Variants in IFI16 observed in about 807,000 individuals in gnomAD.
IFI16 encodes gamma-interferon-inducible protein 16.
A neutral mutation model predicts 68.4 loss-of-function variants in IFI16; 49 were observed. The observed-to-expected ratio is 0.72, with a 90% CI of 0.57 to 0.91. The LOEUF (loss-of-function observed/expected upper bound fraction) is 0.91. Among genes scored for constraint, IFI16 ranks in the 40% least tolerant of loss-of-function variants. The probability of loss-of-function intolerance (pLI) is 0.00; values close to 1 mark genes in which losing one functional copy is unlikely to be tolerated. For missense variants in IFI16, 878 were observed against 942.9 expected (o/e 0.93, Z 0.90); for synonymous variants, 307 against 315.0 (o/e 0.97, Z 0.27).
chr1:159,002,540 C>T (rs1467465722), upstream of IFI16, among the ~76,000 whole-genome samples: 5 of 150,638 alleles, frequency 3.3e-5, no homozygotes, highest in Non-Finnish European at 5.9e-5. Context: ...CAAAATAGCA[C>T]GATACCGTTA....
chr1:159,022,027 T>G (rs1241021763), intron 6 of IFI16, among the ~76,000 whole-genome samples: 5 of 130,486 alleles, frequency 3.8e-5, no homozygotes, highest in Admixed American at 9.8e-5. Context: ...GCAGTGGCGC[T>G]ATCTCGGCTT....
intron 2 of IFI16, 100 bp downstream of exon 2, chr1:159,015,045 C>T: frequency 8.3e-7 from 1 of 1,199,456 alleles, no homozygotes; most frequent in East Asian, 2.3e-5. Flanking sequence ...ATGTGTTTTC[C>T]CCAGTTTGTG....
chr1:159,052,241 A>G, intron 10 of IFI16, 143 bp downstream of exon 10: 1 of 627,352 alleles, frequency 1.6e-6, no homozygotes, highest in Non-Finnish European at 2.8e-6. Flanking sequence ...AGATAATTGA[A>G]TAGAGTTCAT....
chr1:159,005,133 G>T (rs747778894), upstream of IFI16, among the ~76,000 whole-genome samples: 11 of 152,134 alleles, frequency 7.2e-5, no homozygotes, highest in Non-Finnish European at 1.6e-4. Flanking sequence ...TGTCATGTGA[G>T]GACACAGCAA....
At chr1:159,009,067 G>T (rs1652386434), upstream of IFI16, 1 of 152,172 alleles carries the variant, frequency 6.6e-6, no homozygotes, top group African/African-American at 2.4e-5. Flanking sequence ...ATACACTGCT[G>T]AGCAGAGGAT....
chr1:159,049,639 A>G (rs1459511500), intron 9 of IFI16, 40 bp downstream of exon 9: 1 of 1,611,448 alleles, frequency 6.2e-7, no homozygotes, highest in African/African-American at 1.3e-5. Flanking sequence ...CCTCGCTACT[A>G]TATAATGACA....
At chr1:159,046,622 A>C (rs533167344) in intron 8 of IFI16, among the ~76,000 whole-genome samples, 25 of 151,112 alleles carry the variant, frequency 1.7e-4, no homozygotes, top group African/African-American at 5.8e-4. Context: ...CTCTCACCAT[A>C]CATCAGAGGT....
intron 7 of IFI16, among the ~76,000 whole-genome samples, chr1:159,037,837 A>T (rs1036576103): frequency 7.2e-5 from 11 of 152,192 alleles, no homozygotes; most frequent in Non-Finnish European, 1.2e-4. Flanking sequence ...AAAGCATTAA[A>T]TATCTTTAAA....
chr1:159,048,846 A>G (rs1363737892), intron 8 of IFI16, among the ~76,000 whole-genome samples: 2 of 151,534 alleles, frequency 1.3e-5, no homozygotes, highest in East Asian at 3.8e-4. Context: ...TTTAGGTGGA[A>G]TATTAAATTG....
chr1:159,011,667 C>CATT (rs55904319), intron 1 of IFI16, among the ~76,000 whole-genome samples: 119,918 of 151,714 alleles, frequency 0.79, 51,344 homozygotes, highest in Non-Finnish European at 0.95. Context: ...AAACTTTTAT[C>CATT]ATGTGGTATC....
intron 2 of IFI16, 98 bp downstream of exon 2, chr1:159,015,043 T>C: frequency 8.2e-7 from 1 of 1,220,370 alleles, no homozygotes; most frequent in Non-Finnish European, 1.2e-6. Context: ...AGATGTGTTT[T>C]CCCCAGTTTG....
chr1:159,042,434 G>C (rs1280547147), intron 7 of IFI16, among the ~76,000 whole-genome samples: 1 of 152,020 alleles, frequency 6.6e-6, no homozygotes. Context: ...GTTTCTTTGC[G>C]ATCCTTTCTC....
At chr1:159,054,791 T>G in intron 11 of IFI16, 30 bp from the exon 12 acceptor site, 1 of 1,238,340 alleles carries the variant, frequency 8.1e-7, no homozygotes, top group South Asian at 1.3e-5. Flanking sequence ...GCATCTCAAC[T>G]GGTCTGTCTT....
rs185043147 is a variant in IFI16 at position 159,032,707 on chromosome 1, T to A, written c.1329+16T>A. On this transcript the variant is annotated intron_variant, in intron 7 of 11. Transcript: ENST00000295809. ...CTTCACCAAGGTACAATTTCCTGGG[T>A]CCCATGCCTCATGTCTCCCCACCAT... 3.9e-5 allele frequency: 61 copies of A among 1,564,412 alleles called. No homozygotes were observed. The East Asian group carries it at 1.3e-3, about 34-fold the overall frequency.
upstream of IFI16, chr1:159,008,855 C>T (rs1425750193): frequency 6.6e-6 from 1 of 152,160 alleles, no homozygotes; most frequent in Non-Finnish European, 1.5e-5. Context: ...TGGATTAAAA[C>T]AATCAGCTTT....
At chr1:159,021,193 C>T (rs368482468) in intron 6 of IFI16, among the ~76,000 whole-genome samples, 4 of 152,132 alleles carry the variant, frequency 2.6e-5, no homozygotes, top group African/African-American at 7.2e-5. Context: ...ATGCACCCAT[C>T]GTCCAAGCAG....
intron 6 of IFI16, among the ~76,000 whole-genome samples, chr1:159,028,235 G>T (rs1446662309): frequency 2.6e-5 from 4 of 152,030 alleles, no homozygotes; most frequent in African/African-American, 9.7e-5. Context: ...TCATTTCAAA[G>T]AATTTTTTAG....
chr1:159,044,238 G>A (rs1294673910), intron 7 of IFI16, among the ~76,000 whole-genome samples: 5 of 152,168 alleles, frequency 3.3e-5, no homozygotes, highest in Admixed American at 6.5e-5. Context: ...CACACAGATA[G>A]TATTAGAGTC....
At chr1:159,052,465 CTTAAT>C (rs1182500661) in intron 10 of IFI16, 2 of 178,208 alleles carry the variant, frequency 1.1e-5, no homozygotes, top group African/African-American at 4.7e-5. Flanking sequence ...TCAATGACAA[CTTAAT>C]TTAATTGTGA....
Sources: gnomAD v4.1 joint callset for allele counts (sites outside exome capture counted in the v4.1 genomes callset) on GRCh38, gnomAD v4.1.1 for gene constraint, MANE v1.5 for transcripts, NCBI Gene and HGNC (gene_info 2026-07-23, HGNC 2026-07-21) for gene names.